The following PTK2 variants were observed in gnomAD, a reference collection of about 807,000 sequenced individuals.
The protein encoded by PTK2 is focal adhesion kinase 1.
A neutral mutation model predicts 150.1 loss-of-function variants in PTK2; 45 were observed. The observed-to-expected ratio is 0.30, with a 90% CI of 0.24 to 0.38. The LOEUF (loss-of-function observed/expected upper bound fraction) is 0.38, where lower values mean the gene tolerates loss of function less well. PTK2 is among the 10% of genes least tolerant of loss of function. The probability of loss-of-function intolerance (pLI) is 1.00; values close to 1 mark genes in which losing one functional copy is unlikely to be tolerated. For missense variants in PTK2, 919 were observed against 1,307.3 expected, an observed-to-expected ratio of 0.70 and a Z score of 4.58; for synonymous variants, 432 against 449.2, an observed-to-expected ratio of 0.96 and a Z score of 0.48.
chr8:140,710,206 T>C (rs1252080699), intron 23 of PTK2, among the ~76,000 whole-genome samples: 5 of 151,662 alleles, frequency 3.3e-5, no homozygotes, highest in Non-Finnish European at 7.4e-5. Context: ...GGCTTGCACC[T>C]ATAGTCCCAG....
chr8:140,902,924 G>GTTTTTTTTTTTTTTTTT (rs61261890), intron 2 of PTK2, among the ~76,000 whole-genome samples: 4 of 58,960 alleles, frequency 6.8e-5, no homozygotes, highest in African/African-American at 1.5e-4. Context: ...GATGAGAGTT[G>GTTTTTTTTTTTTTTTTT]TTTTTTTTTT....
At chr8:140,738,726 C>G (rs2100053963) in intron 21 of PTK2, among the ~76,000 whole-genome samples, 1 of 151,962 alleles carries the variant, frequency 6.6e-6, no homozygotes, top group Non-Finnish European at 1.5e-5. Context: ...AGGAAATAAG[C>G]AAAATATCCC....
chr8:140,658,231 G>C (rs1225913450), exon 32 of PTK2: 1 of 156,988 alleles, frequency 6.4e-6, no homozygotes, highest in African/African-American at 2.4e-5. Context: ...CTACCCTTCT[G>C]TGGTAACATC....
chr8:140,725,931 T>C (rs983442744), intron 22 of PTK2, among the ~76,000 whole-genome samples: 1 of 151,924 alleles, frequency 6.6e-6, no homozygotes, highest in Non-Finnish European at 1.5e-5. Context: ...GACTCAGATG[T>C]TGAAATCAGC....
chr8:140,879,696 A>C, intron 3 of PTK2, 59 bp from the exon 4 acceptor site: 14 of 1,249,608 alleles, frequency 1.1e-5, no homozygotes, highest in Non-Finnish European at 1.5e-5. Context: ...AAAAAAAAAA[A>C]AAAAACCAAA....
At chr8:140,967,599 T>A (rs1307414700) in intron 1 of PTK2, among the ~76,000 whole-genome samples, 1 of 151,944 alleles carries the variant, frequency 6.6e-6, no homozygotes, top group Non-Finnish European at 1.5e-5. Flanking sequence ...TGGCTAGGAT[T>A]ACAGAGGCCT....
At chr8:140,743,694 T>C (rs1554861449) in intron 19 of PTK2, among the ~76,000 whole-genome samples, 1 of 152,088 alleles carries the variant, frequency 6.6e-6, no homozygotes, top group Non-Finnish European at 1.5e-5. Context: ...ACTAAAGAGA[T>C]ATCATTAAAT....
intron 1 of PTK2, among the ~76,000 whole-genome samples, chr8:140,978,034 G>A (rs2100189950): frequency 6.6e-6 from 1 of 152,156 alleles, no homozygotes; most frequent in Admixed American, 6.5e-5. Context: ...AATAAATGGT[G>A]CTGGGAAAAC....
rs538884683 is a variant in PTK2, at chr8:140,673,361, G to C, written c.2709+937C>G. On this transcript the variant is annotated intron_variant, in intron 29 of 31. Coordinates refer to ENST00000522684, the Ensembl canonical transcript of PTK2. ...CTGACCTTGTGATCCGCCCGTCTTG[G>C]CCTCCCGAAATGCTGGGATTACAGG... Among the ~76,000 whole-genome samples the C allele has an allele frequency of 2.6e-5, 4 of 152,066 alleles. 1 individual carries two copies. The South Asian group carries it at 8.3e-4, about 32-fold the overall frequency.
intron 23 of PTK2, 58 bp from the exon 27 acceptor site, chr8:140,706,263 T>C (rs2100033734): frequency 7.6e-7 from 1 of 1,313,776 alleles, no homozygotes; most frequent in African/African-American, 1.5e-5. Context: ...AAACCTGTAC[T>C]TTATGAATCG....
At chr8:140,951,895 T>TA (rs1569442045) in intron 1 of PTK2, among the ~76,000 whole-genome samples, 278 of 18,028 alleles carry the variant, frequency 0.015, no homozygotes, top group African/African-American at 0.022. Flanking sequence ...CAAAGAAAAA[T>TA]TAAAAAAAAA....
At chr8:140,820,076 G>GTTTTTTTTTTGTTTTTTTTTTTTTTTT (rs2100107288) in intron 8 of PTK2, among the ~76,000 whole-genome samples, 1 of 50,194 alleles carries the variant, frequency 2.0e-5, no homozygotes, top group Non-Finnish European at 4.2e-5. Context: ...TCTGACTTTG[G>GTTTTTTTTTTGTTTTTTTTTTTTTTTT]TTTTTTTTTT....
At chr8:140,846,513 T>C (rs765861095) in intron 6 of PTK2, 86 bp downstream of exon 6, 7 of 1,246,150 alleles carry the variant, frequency 5.6e-6, no homozygotes, top group Non-Finnish European at 8.1e-6. Flanking sequence ...ATAATCCTTA[T>C]GAAGAAAAGG....
intron 10 of PTK2, among the ~76,000 whole-genome samples, chr8:140,816,712 T>C (rs2100104915): frequency 6.6e-6 from 1 of 152,228 alleles, no homozygotes; most frequent in Non-Finnish European, 1.5e-5. Context: ...TTAAAGTTAC[T>C]AGGTCCTTGC....
chr8:140,992,764 T>C (rs949357607), intron 1 of PTK2, among the ~76,000 whole-genome samples: 2 of 152,208 alleles, frequency 1.3e-5, no homozygotes, highest in Admixed American at 6.5e-5. Context: ...TGACTTCCAT[T>C]ACCTGAGTGA....
chr8:140,938,056 A>C (rs2100174315), intron 1 of PTK2, among the ~76,000 whole-genome samples: 1 of 152,250 alleles, frequency 6.6e-6, no homozygotes, highest in African/African-American at 2.4e-5. Context: ...AGAAGACAAC[A>C]CAACCTCCTC....
intron 5 of PTK2, among the ~76,000 whole-genome samples, chr8:140,850,149 G>C (rs1445887782): frequency 2.0e-5 from 3 of 152,198 alleles, no homozygotes; most frequent in Admixed American, 2.0e-4. Flanking sequence ...TTGTTGGCTA[G>C]GCACAGTGGC....
intron 16 of PTK2, among the ~76,000 whole-genome samples, chr8:140,756,589 T>G (rs1440215162): frequency 6.9e-6 from 1 of 145,184 alleles, no homozygotes. Context: ...CCCAGCTACT[T>G]GGGAGGCTGA....
intron 16 of PTK2, among the ~76,000 whole-genome samples, chr8:140,756,943 G>C (rs1035831549): frequency 6.6e-6 from 1 of 151,494 alleles, no homozygotes; most frequent in Non-Finnish European, 1.5e-5. Context: ...GAGCTGACAT[G>C]GCGCCACTGC....
Sources: allele counts gnomAD v4.1 joint callset (sites outside exome capture counted in the v4.1 genomes callset), GRCh38; gene constraint gnomAD v4.1.1; transcripts MANE v1.5; gene names NCBI Gene and HGNC (gene_info 2026-07-23, HGNC 2026-07-21).